Variants in TRPM8 observed in about 807,000 individuals in gnomAD.
The protein encoded by TRPM8 is TRPM8 cationic channel.
A neutral mutation model predicts 133.7 loss-of-function variants in TRPM8; 110 were observed. That is an observed-to-expected ratio of 0.82 (90% confidence interval 0.70 to 0.96). The LOEUF is 0.96. Among genes scored for constraint, TRPM8 ranks in the 40% least tolerant of loss-of-function variants. The pLI, the probability that TRPM8 is intolerant of heterozygous loss-of-function variation, is 0.00. For synonymous variants in TRPM8, 535 were observed against 532.3 expected, an observed-to-expected ratio of 1.01 and a Z score of -0.07; for missense variants, 1,291 against 1,379.5, an observed-to-expected ratio of 0.94 and a Z score of 1.02.
chr2:233,945,359 G>A (rs1361855439), intron 6 of TRPM8, among the ~76,000 whole-genome samples: 1 of 152,114 alleles, frequency 6.6e-6, no homozygotes, highest in African/African-American at 2.4e-5. Flanking sequence ...CGCTTCTCAA[G>A]TGCAAAGACT....
intron 24 of TRPM8, among the ~76,000 whole-genome samples, chr2:234,008,827 A>G (rs1012398847): frequency 6.6e-6 from 1 of 152,214 alleles, no homozygotes; most frequent in African/African-American, 2.4e-5. Context: ...TTGAATGAAT[A>G]AATGAACAAA....
intron 15 of TRPM8, among the ~76,000 whole-genome samples, chr2:233,968,661 T>C (rs1192090593): frequency 6.6e-6 from 1 of 152,002 alleles, no homozygotes; most frequent in Non-Finnish European, 1.5e-5. Flanking sequence ...TAGCTAGCAC[T>C]GAGAAGGCCC....
intron 2 of TRPM8, among the ~76,000 whole-genome samples, chr2:233,927,808 C>T (rs1256569308): frequency 1.3e-4 from 7 of 53,068 alleles, no homozygotes; most frequent in East Asian, 5.8e-4. Flanking sequence ...TCCTTCCTTC[C>T]TTCCTTCCTT....
chr2:233,969,673 CTCTG>C lies in TRPM8; in HGVS notation c.2026-18_2026-15del. 1 of 1,467,702 alleles carries C rather than the reference CTCTG, an allele frequency of 6.8e-7. No homozygotes were observed. The highest frequency in any genetic ancestry group is 9.6e-7 in the Non-Finnish European group (1 of 1,046,934). 90.9% of individuals were successfully genotyped at this position (1,467,702 alleles called of 1,614,324 possible). On this transcript the variant is annotated intron_variant, in intron 15 of 25. Coordinates refer to ENST00000324695, the MANE Select transcript of TRPM8 (RefSeq NM_024080.5). ...CAATTGTGTTAATAAGGACCTTGTTCTCTGTCTTTGTTTCCCTGTAGAATTTTCT... is the reference window on the plus strand; with the variant it reads ...CAATTGTGTTAATAAGGACCTTGTTCTCTTTGTTTCCCTGTAGAATTTTCT...
chr2:234,011,559 A>G (rs1317160088), intron 24 of TRPM8, among the ~76,000 whole-genome samples: 1 of 152,096 alleles, frequency 6.6e-6, no homozygotes, highest in Non-Finnish European at 1.5e-5. Context: ...AGTAGAATGG[A>G]TATTTTGGCA....
intron 5 of TRPM8, among the ~76,000 whole-genome samples, chr2:233,941,375 GC>G (rs1459263910): frequency 2.0e-5 from 3 of 152,304 alleles, no homozygotes; most frequent in Non-Finnish European, 2.9e-5. Flanking sequence ...CTGGATTTAT[GC>G]CCCGTGAGAG....
At chr2:233,973,758 GC>G (rs1356658428) in intron 17 of TRPM8, among the ~76,000 whole-genome samples, 7 of 152,200 alleles carry the variant, frequency 4.6e-5, no homozygotes, top group African/African-American at 1.7e-4. Context: ...GTCAGCAGCA[GC>G]GAGGGAATGG....
chr2:233,982,452 C>T (rs728672), intron 19 of TRPM8, among the ~76,000 whole-genome samples: 9 of 152,004 alleles, frequency 5.9e-5, no homozygotes, highest in Non-Finnish European at 1.3e-4. Flanking sequence ...CCAAACCTCC[C>T]CTGTTTCTGT....
chr2:233,929,478 G>T (rs1247473111), intron 2 of TRPM8, among the ~76,000 whole-genome samples: 2 of 152,232 alleles, frequency 1.3e-5, no homozygotes, highest in African/African-American at 4.8e-5. Context: ...GGCATAAGAA[G>T]TCAGGGCTGG....
chr2:233,990,834 A>AT (rs1310434943), intron 21 of TRPM8, among the ~76,000 whole-genome samples: 2 of 152,174 alleles, frequency 1.3e-5, no homozygotes, highest in Non-Finnish European at 2.9e-5. Flanking sequence ...CCTTATTGCC[A>AT]TTTTACACGT....
At chr2:234,009,553 C>T (rs1033543388) in intron 24 of TRPM8, among the ~76,000 whole-genome samples, 3 of 152,102 alleles carry the variant, frequency 2.0e-5, no homozygotes, top group Non-Finnish European at 4.4e-5. Context: ...TGACCTGACT[C>T]CTAGGGTCCA....
At chr2:234,012,851 A>G (rs1205241604) in intron 24 of TRPM8, among the ~76,000 whole-genome samples, 1 of 151,238 alleles carries the variant, frequency 6.6e-6, no homozygotes, top group African/African-American at 2.4e-5. Flanking sequence ...TTTGTCAACT[A>G]CTTTTTCTGT....
chr2:233,928,153 TA>T (rs1467473360), intron 2 of TRPM8, among the ~76,000 whole-genome samples: 2 of 151,586 alleles, frequency 1.3e-5, no homozygotes, highest in African/African-American at 4.9e-5. Context: ...GTATTTTTAG[TA>T]GAGACGGGGT....
chr2:233,999,791 G>A (rs1182594922), intron 22 of TRPM8, among the ~76,000 whole-genome samples: 2 of 152,176 alleles, frequency 1.3e-5, no homozygotes, highest in Admixed American at 1.3e-4. Context: ...GAACAATTTA[G>A]AACACAATTT....
At chr2:233,930,112 T>A (rs1198557855) in intron 2 of TRPM8, among the ~76,000 whole-genome samples, 1 of 152,232 alleles carries the variant, frequency 6.6e-6, no homozygotes, top group Non-Finnish European at 1.5e-5. Context: ...GGAGTGTAGG[T>A]ATTTTTAAAG....
At position 234,019,376 on chromosome 2, in the gene TRPM8, CAAT is replaced by C. The variant is rs372250080; in HGVS notation, c.*2124_*2126del. On this transcript the variant is annotated 3_prime_UTR_variant, in exon 26 of 26. Transcript: ENST00000324695. ...AAATCATTATTTTTAGTGTAGTTCACAATAATGTATTGAACATACTTCTAATCA... is the reference window on the plus strand; with the variant it reads ...AAATCATTATTTTTAGTGTAGTTCACAATGTATTGAACATACTTCTAATCA... 6.6e-6 allele frequency: 1 copy of C among 152,136 alleles called. No individual in the cohort carries two copies. The highest frequency in any genetic ancestry group is 1.5e-5 in the Non-Finnish European group (1 of 68,040). The allele number at this position is 152,136 out of a possible 1,614,324, so 9.4% of individuals were successfully genotyped here.
intron 12 of TRPM8, 88 bp from the exon 13 acceptor site, chr2:233,963,194 C>A: frequency 1.3e-6 from 1 of 742,362 alleles, no homozygotes; most frequent in Non-Finnish European, 2.3e-6. Flanking sequence ...GCCACAGAGC[C>A]CTCCAAACAT....
At chr2:233,965,758 G>GA (rs1424686041) in intron 14 of TRPM8, among the ~76,000 whole-genome samples, 283 of 125,282 alleles carry the variant, frequency 2.3e-3, no homozygotes, top group Middle Eastern at 5.3e-3. Flanking sequence ...TAGTTTTACT[G>GA]TAAAAAAATT....
At chr2:233,937,182 C>T in intron 3 of TRPM8, 171 bp from the exon 4 acceptor site, 2 of 758,114 alleles carry the variant, frequency 2.6e-6, no homozygotes, top group Non-Finnish European at 4.1e-6. Context: ...AGGCGTGAGC[C>T]ACCGCACCCG....
Sources: allele counts gnomAD v4.1 joint callset (sites outside exome capture counted in the v4.1 genomes callset), GRCh38; gene constraint gnomAD v4.1.1; transcripts MANE v1.5; gene names NCBI Gene and HGNC (gene_info 2026-07-23, HGNC 2026-07-21).